Variants in PFKP observed in about 807,000 individuals in gnomAD.
PFKP encodes phosphofructokinase, platelet.
A neutral mutation model predicts 94.3 loss-of-function variants in PFKP; 101 were observed. The observed-to-expected ratio is 1.07, with a 90% CI of 0.91 to 1.26. PFKP has a LOEUF of 1.26. Among genes scored for constraint, PFKP ranks in the 50% most tolerant of loss-of-function variants. The pLI is 0.00. For synonymous variants in PFKP, 573 were observed against 432.6 expected, an observed-to-expected ratio of 1.32 and a Z score of -4.03; for missense variants, 1,145 against 1,103.3, an observed-to-expected ratio of 1.04 and a Z score of -0.53.
At chr10:3,076,899 A>G (rs531061096) in intron 1 of PFKP, among the ~76,000 whole-genome samples, 9 of 152,252 alleles carry the variant, frequency 5.9e-5, no homozygotes, top group Admixed American at 2.0e-4. Flanking sequence ...TGGGGAGGGA[A>G]CAGCACCTTG....
At chr10:3,129,395 A>ATT (rs1838302413) in intron 16 of PFKP, 1 of 164,648 alleles carries the variant, frequency 6.1e-6, no homozygotes, top group Non-Finnish European at 1.3e-5. Context: ...GTTCTCACGG[A>ATT]CTAAGCTGGC....
intron 14 of PFKP, among the ~76,000 whole-genome samples, chr10:3,118,348 G>A (rs1450233709): frequency 6.6e-6 from 1 of 152,056 alleles, no homozygotes; most frequent in Non-Finnish European, 1.5e-5. Flanking sequence ...GGCGCCTGTA[G>A]TCCCAGCTAC....
intron 2 of PFKP, among the ~76,000 whole-genome samples, chr10:3,093,888 C>A (rs1390865225): frequency 6.6e-5 from 10 of 152,156 alleles, no homozygotes; most frequent in Admixed American, 6.5e-4. Flanking sequence ...TGTGATCCGC[C>A]CGCCTTGGCC....
chr10:3,134,572 C>G lies in PFKP; in HGVS notation c.2112C>G (p.Ala704=), dbSNP rs1317175207. ...MEWITAKLKE[A]RGRGKKFTTD... Reference sequence around the variant, plus strand: ...GGATCACTGCAAAACTCAAGGAGGCCCGGGGCAGAGGTAAGGGGTCTGGGG... The same window carrying G: ...GGATCACTGCAAAACTCAAGGAGGCGCGGGGCAGAGGTAAGGGGTCTGGGG... Residue 704 remains alanine, a synonymous_variant, in exon 20 of 22, where the codon GCC becomes GCG. Transcript: ENST00000381125. 2 of 1,611,874 alleles carry G rather than the reference C, an allele frequency of 1.2e-6. No homozygotes were observed. The highest frequency in any genetic ancestry group is 1.7e-5 in the Admixed American group (1 of 60,004).
chr10:3,117,901 G>A lies in PFKP; in HGVS notation c.1443-881G>A, dbSNP rs1230894307. Among the ~76,000 whole-genome samples the A allele has an allele frequency of 2.0e-5, 3 of 152,190 alleles. No homozygotes were observed. In the East Asian group the frequency reaches 5.8e-4, roughly 29 times the overall value. On this transcript the variant is annotated intron_variant, in intron 14 of 21. Transcript: ENST00000381125. Reference sequence around the variant, plus strand: ...TGCACTTAGCTGCATTCACTTGTCTGCTCTGATTGCCTGGCCTGAACGTTT... The same window carrying A: ...TGCACTTAGCTGCATTCACTTGTCTACTCTGATTGCCTGGCCTGAACGTTT...
intron 18 of PFKP, 44 bp downstream of exon 18, chr10:3,132,485 A>T (rs752886793): frequency 7.4e-7 from 1 of 1,353,956 alleles, no homozygotes. Flanking sequence ...TCACCGCCAC[A>T]CCCTGGTTCT....
intron 19 of PFKP, among the ~76,000 whole-genome samples, chr10:3,134,255 G>A (rs181162777): frequency 3.9e-5 from 6 of 152,296 alleles, no homozygotes; most frequent in Admixed American, 2.0e-4. Context: ...ATTGTTAGTT[G>A]ACTTGTTCGG....
chr10:3,116,628 C>A, intron 13 of PFKP, 148 bp from the exon 14 acceptor site: 1 of 661,132 alleles, frequency 1.5e-6, no homozygotes, highest in Non-Finnish European at 2.8e-6. Context: ...TTGATTCATC[C>A]GGGCATCGTG....
intron 1 of PFKP, among the ~76,000 whole-genome samples, chr10:3,076,633 T>G (rs1832619982): frequency 6.6e-6 from 1 of 152,132 alleles, no homozygotes; most frequent in African/African-American, 2.4e-5. Context: ...CTGTGTTTCT[T>G]GCTTTCGGGT....
chr10:3,131,606 GCCA>G (rs1427224775), intron 17 of PFKP, among the ~76,000 whole-genome samples: 1 of 152,106 alleles, frequency 6.6e-6, no homozygotes, highest in Non-Finnish European at 1.5e-5. Flanking sequence ...ACAGGCACCT[GCCA>G]CCACGCCTGG....
intron 1 of PFKP, among the ~76,000 whole-genome samples, chr10:3,077,508 C>A (rs575867562): frequency 6.6e-6 from 1 of 151,726 alleles, no homozygotes; most frequent in Non-Finnish European, 1.5e-5. Context: ...CCTCGTGATC[C>A]GCCCACCTTG....
At chr10:3,125,549 C>T (rs543734541) in intron 16 of PFKP, among the ~76,000 whole-genome samples, 1 of 152,264 alleles carries the variant, frequency 6.6e-6, no homozygotes, top group East Asian at 1.9e-4. Flanking sequence ...CCTGCCCACG[C>T]TGAGTAGTGA....
chr10:3,122,548 C>T (rs1045723389), intron 16 of PFKP, among the ~76,000 whole-genome samples: 10 of 152,312 alleles, frequency 6.6e-5, no homozygotes, highest in South Asian at 4.1e-4. Flanking sequence ...GAGCTGGTGG[C>T]GTCCTCAGGA....
intron 16 of PFKP, among the ~76,000 whole-genome samples, chr10:3,122,085 A>AC (rs1837490697): frequency 6.6e-6 from 1 of 151,890 alleles, no homozygotes; most frequent in Non-Finnish European, 1.5e-5. Context: ...GGGCTCTCAA[A>AC]GCACAGGGGT....
chr10:3,084,826 C>T (rs4991348), intron 2 of PFKP, among the ~76,000 whole-genome samples: 26,032 of 126,296 alleles, frequency 0.21, 4,265 homozygotes, highest in East Asian at 0.3. Context: ...TCTTCCACCT[C>T]GTCCCAAGCA....
In PFKP at chr10:3,098,667, C is replaced by T. The variant is rs533832510; in HGVS notation, c.187-608C>T. ...CAGCCTGGGTGACAGAGTGAGACTCCGTCTCAAAAAAAAAAAAAAAAAAGG... is the reference window on the plus strand; with the variant it reads ...CAGCCTGGGTGACAGAGTGAGACTCTGTCTCAAAAAAAAAAAAAAAAAAGG... On this transcript the variant is annotated intron_variant, in intron 2 of 21. Transcript: ENST00000381125. Among the ~76,000 whole-genome samples the T allele has an allele frequency of 9.4e-3, 183 of 19,386 alleles. 2 individuals carry two copies. The East Asian group carries it at 0.33, about 35-fold the overall frequency. 12.7% of individuals were successfully genotyped at this position (19,386 alleles called of 152,430 possible). A position where few individuals can be genotyped will look rare whatever the true frequency, so the allele number is the denominator to read the frequency against.
chr10:3,113,690 G>T (rs925634265), intron 13 of PFKP, among the ~76,000 whole-genome samples, 172 bp downstream of exon 13: 2 of 152,082 alleles, frequency 1.3e-5, no homozygotes, highest in East Asian at 3.9e-4. Flanking sequence ...CCCTAAGGTA[G>T]GTTTCAGGCC....
At chr10:3,123,592 C>T (rs78602520) in intron 16 of PFKP, among the ~76,000 whole-genome samples, 4 of 152,168 alleles carry the variant, frequency 2.6e-5, no homozygotes, top group African/African-American at 7.2e-5. Context: ...TGGCTTCCAG[C>T]GAGCGCTTCT....
At chr10:3,100,671 A>G (rs1011381563) in intron 3 of PFKP, among the ~76,000 whole-genome samples, 5 of 152,124 alleles carry the variant, frequency 3.3e-5, no homozygotes, top group African/African-American at 1.2e-4. Context: ...GGGATCCCGT[A>G]CGGATGGAGT....
Sources: gnomAD v4.1 joint callset for allele counts (sites outside exome capture counted in the v4.1 genomes callset) on GRCh38, gnomAD v4.1.1 for gene constraint, MANE v1.5 for transcripts, NCBI Gene and HGNC (gene_info 2026-07-23, HGNC 2026-07-21) for gene names.